The following HS6ST3 variants were observed in gnomAD, a reference collection of about 807,000 sequenced individuals.
HS6ST3 encodes heparan sulfate 6-O-sulfotransferase 3, also known as heparan-sulfate 6-O-sulfotransferase 3.
Under a neutral mutation model 36.7 loss-of-function variants are expected in HS6ST3, and 12 were observed. That is an observed-to-expected ratio of 0.33 (90% confidence interval 0.21 to 0.53). The LOEUF is 0.53. HS6ST3 is among the 20% of genes least tolerant of loss of function. The pLI, the probability that HS6ST3 is intolerant of heterozygous loss-of-function variation, is 0.95. For missense variants in HS6ST3, 584 were observed against 640.9 expected (o/e 0.91, Z 0.96); for synonymous variants, 240 against 257.5 (o/e 0.93, Z 0.65).
intron 1 of HS6ST3, among the ~76,000 whole-genome samples, chr13:96,534,955 G>T (rs926696786): frequency 6.6e-6 from 1 of 152,058 alleles, no homozygotes; most frequent in Non-Finnish European, 1.5e-5. Flanking sequence ...GCAAGACTCC[G>T]TCTGAAAAAC....
chr13:96,166,654 A>G (rs542012170), intron 1 of HS6ST3, among the ~76,000 whole-genome samples: 1 of 144,958 alleles, frequency 6.9e-6, no homozygotes, highest in African/African-American at 2.6e-5. Context: ...TCAAGTGATC[A>G]GCCCACCTTG....
chr13:96,096,897 A>T (rs1280370651), intron 1 of HS6ST3, among the ~76,000 whole-genome samples: 1 of 152,168 alleles, frequency 6.6e-6, no homozygotes, highest in African/African-American at 2.4e-5. Flanking sequence ...TTGTTGAACT[A>T]CCAAGAAGGT....
chr13:96,617,721 A>G (rs992601219), intron 1 of HS6ST3, among the ~76,000 whole-genome samples: 3 of 152,202 alleles, frequency 2.0e-5, no homozygotes, highest in African/African-American at 7.2e-5. Flanking sequence ...CCGAAGCAGC[A>G]GTATCAATCA....
chr13:96,094,938 A>G (rs1040988197), intron 1 of HS6ST3, among the ~76,000 whole-genome samples: 10 of 151,498 alleles, frequency 6.6e-5, no homozygotes, highest in African/African-American at 2.4e-4. Context: ...TTCCTTCTTT[A>G]TTACTGTACG....
intron 1 of HS6ST3, among the ~76,000 whole-genome samples, chr13:96,156,120 CACTTT>C (rs2054109425): frequency 6.6e-6 from 1 of 152,140 alleles, no homozygotes; most frequent in South Asian, 2.1e-4. Flanking sequence ...CAATTTTAAG[CACTTT>C]ACAGGTATTA....
At chr13:96,271,628 C>G (rs1594739115) in intron 1 of HS6ST3, among the ~76,000 whole-genome samples, 1 of 151,952 alleles carries the variant, frequency 6.6e-6, no homozygotes, top group African/African-American at 2.4e-5. Context: ...TAGAAACTTA[C>G]ACTACTTTGG....
chr13:96,106,832 G>A (rs1451161846), intron 1 of HS6ST3, among the ~76,000 whole-genome samples: 1 of 152,230 alleles, frequency 6.6e-6, no homozygotes, highest in African/African-American at 2.4e-5. Flanking sequence ...GAAGAGCAGA[G>A]ATGTGAATAA....
intron 1 of HS6ST3, among the ~76,000 whole-genome samples, chr13:96,360,165 G>T (rs531953037): frequency 6.6e-6 from 1 of 152,194 alleles, no homozygotes; most frequent in Admixed American, 6.5e-5. Flanking sequence ...AGGATGGGGT[G>T]CTGGCACAAT....
intron 1 of HS6ST3, among the ~76,000 whole-genome samples, chr13:96,189,825 C>A (rs373789970): frequency 1.3e-5 from 2 of 152,176 alleles, no homozygotes; most frequent in East Asian, 1.9e-4. Flanking sequence ...ACTACATGAT[C>A]AGATTTAAAG....
intron 1 of HS6ST3, among the ~76,000 whole-genome samples, chr13:96,417,831 A>G (rs1278479976): frequency 6.6e-6 from 1 of 151,742 alleles, no homozygotes; most frequent in African/African-American, 2.4e-5. Flanking sequence ...ATTAATTAAT[A>G]CTAATTGCTT....
intron 1 of HS6ST3, among the ~76,000 whole-genome samples, chr13:96,687,821 C>A (rs868009587): frequency 4.6e-5 from 7 of 152,026 alleles, no homozygotes; most frequent in Non-Finnish European, 1.0e-4. Context: ...GAATGACTGA[C>A]ATTGTAATTT....
intron 1 of HS6ST3, among the ~76,000 whole-genome samples, chr13:96,104,123 T>A (rs2053830348): frequency 6.6e-6 from 1 of 152,232 alleles, no homozygotes; most frequent in Non-Finnish European, 1.5e-5. Context: ...TTTAAGAAAA[T>A]GAAGAAAATT....
intron 1 of HS6ST3, among the ~76,000 whole-genome samples, chr13:96,283,469 TC>T (rs1393723089): frequency 2.6e-5 from 4 of 152,150 alleles, no homozygotes; most frequent in Non-Finnish European, 4.4e-5. Flanking sequence ...CACCTGTGAA[TC>T]CCCCCTTCCA....
At chr13:96,173,249 G>A (rs2054196639) in intron 1 of HS6ST3, among the ~76,000 whole-genome samples, 1 of 152,136 alleles carries the variant, frequency 6.6e-6, no homozygotes, top group Admixed American at 6.6e-5. Context: ...TCATTTTACA[G>A]AAGAAGAAAC....
At chr13:96,420,436 G>A (rs1017933199) in intron 1 of HS6ST3, among the ~76,000 whole-genome samples, 1 of 152,048 alleles carries the variant, frequency 6.6e-6, no homozygotes, top group East Asian at 1.9e-4. Context: ...CTTGCTGAAT[G>A]TACTATAACA....
intron 1 of HS6ST3, among the ~76,000 whole-genome samples, chr13:96,537,990 C>T (rs2056162489): frequency 6.6e-6 from 1 of 152,164 alleles, no homozygotes. Flanking sequence ...CTCCTCCCTT[C>T]AATCTTACAG....
intron 1 of HS6ST3, among the ~76,000 whole-genome samples, chr13:96,577,163 C>T (rs909151734): frequency 1.3e-4 from 20 of 152,144 alleles, no homozygotes; most frequent in African/African-American, 4.1e-4. Context: ...CTATCTTTCC[C>T]CTAGCCTCCA....
intron 1 of HS6ST3, among the ~76,000 whole-genome samples, chr13:96,627,545 A>C (rs1363470471): frequency 6.6e-6 from 1 of 151,976 alleles, no homozygotes; most frequent in Non-Finnish European, 1.5e-5. Context: ...TCTCATAAAC[A>C]TGTTACAGTA....
chr13:96,244,454 A>G (rs1459040400), intron 1 of HS6ST3, among the ~76,000 whole-genome samples: 1 of 152,160 alleles, frequency 6.6e-6, no homozygotes, highest in Non-Finnish European at 1.5e-5. Context: ...TATGACCACT[A>G]TATTAAATTA....
Sources: gnomAD v4.1 joint callset for allele counts (sites outside exome capture counted in the v4.1 genomes callset) on GRCh38, gnomAD v4.1.1 for gene constraint, MANE v1.5 for transcripts, NCBI Gene and HGNC (gene_info 2026-07-23, HGNC 2026-07-21) for gene names.